The following KCNH1 variants were observed in gnomAD, a reference collection of about 807,000 sequenced individuals.
The protein encoded by KCNH1 is voltage-gated delayed rectifier potassium channel KCNH1.
In KCNH1, 27 loss-of-function variants were observed where a neutral mutation model predicts 69.2. That is an observed-to-expected ratio of 0.39 (90% CI 0.29 to 0.54). The LOEUF (loss-of-function observed/expected upper bound fraction) is 0.54. Ranked by LOEUF, KCNH1 falls within the 20% of genes least tolerant of loss-of-function variation. The pLI, the probability that KCNH1 is intolerant of heterozygous loss-of-function variation, is 0.68. For missense variants in KCNH1, 798 were observed against 1,261.6 expected, an observed-to-expected ratio of 0.63 and a Z score of 5.57; for synonymous variants, 456 against 487.7, an observed-to-expected ratio of 0.93 and a Z score of 0.86.
intron 6 of KCNH1, among the ~76,000 whole-genome samples, chr1:210,985,491 C>T (rs1048983083): frequency 4.6e-5 from 7 of 152,114 alleles, no homozygotes; most frequent in African/African-American, 1.7e-4. Flanking sequence ...TGTCTTTGTT[C>T]TCGCTGGTTT....
chr1:210,863,761 A>G (rs1444757093), intron 7 of KCNH1, among the ~76,000 whole-genome samples: 1 of 152,214 alleles, frequency 6.6e-6, no homozygotes, highest in Non-Finnish European at 1.5e-5. Context: ...GAAAGGCTGC[A>G]GCCAGAACTG....
At chr1:210,781,623 C>T (rs1683988061) in intron 9 of KCNH1, among the ~76,000 whole-genome samples, 1 of 152,174 alleles carries the variant, frequency 6.6e-6, no homozygotes. Context: ...TGCATATTCA[C>T]TGAACTAGAT....
At position 210,718,651 on chromosome 1, in the gene KCNH1, T is replaced by TACACAC. The variant is rs57407331; in HGVS notation, c.2113-34519_2113-34514dup. 1.2e-3 allele frequency among the ~76,000 whole-genome samples: 88 copies of TACACAC among 75,558 alleles called. 6 individuals are homozygous for TACACAC. The highest frequency in any genetic ancestry group is 8.3e-3 in the East Asian group (29 of 3,490). The allele number at this position is 75,558 out of a possible 152,430, so 49.6% of individuals were successfully genotyped here. On this transcript the variant is annotated intron_variant, in intron 10 of 10. Transcript: ENST00000271751. ...ATAAATATATATATACATATATATATACACACACACACACACACACACACA... is the reference window on the plus strand; with the variant it reads ...ATAAATATATATATACATATATATATACACACACACACACACACACACACACACACA...
chr1:211,002,353 T>TATATATAC lies in KCNH1; in HGVS notation c.1032+16429_1032+16430insGTATATAT, dbSNP rs1553369892. On this transcript the variant is annotated intron_variant, in intron 6 of 10. Transcript: ENST00000271751. ...GTGTGTGTGTGTATATATATATATA[T>TATATATAC]ACACACACACATATATATATACACC... 3.9e-3 allele frequency among the ~76,000 whole-genome samples: 569 copies of TATATATAC among 145,036 alleles called. 3 individuals carry two copies. The highest frequency in any genetic ancestry group is 5.9e-3 in the Non-Finnish European group (390 of 66,498).
chr1:210,755,177 GC>G (rs952415142), intron 10 of KCNH1, among the ~76,000 whole-genome samples: 2 of 152,156 alleles, frequency 1.3e-5, no homozygotes, highest in African/African-American at 2.4e-5. Flanking sequence ...GGGGTGGGCT[GC>G]CCCTGCTCAT....
chr1:211,123,859 GAGA>G (rs1383894729), intron 1 of KCNH1, among the ~76,000 whole-genome samples: 4 of 152,250 alleles, frequency 2.6e-5, no homozygotes, highest in African/African-American at 9.6e-5. Context: ...GATACAAAAA[GAGA>G]AGAAGAAAAC....
intron 7 of KCNH1, among the ~76,000 whole-genome samples, chr1:210,917,024 T>G (rs1687347092): frequency 6.6e-6 from 1 of 151,796 alleles, no homozygotes; most frequent in African/African-American, 2.4e-5. Flanking sequence ...GGTGCGTGCC[T>G]ATAAGCCCAG....
At chr1:210,767,918 A>C (rs1385360141) in intron 10 of KCNH1, among the ~76,000 whole-genome samples, 1 of 152,122 alleles carries the variant, frequency 6.6e-6, no homozygotes, top group African/African-American at 2.4e-5. Flanking sequence ...CCTCTCTTCC[A>C]CATCTGACTC....
intron 6 of KCNH1, among the ~76,000 whole-genome samples, chr1:211,010,734 C>A (rs781697737): frequency 3.9e-5 from 6 of 152,192 alleles, no homozygotes; most frequent in African/African-American, 9.7e-5. Flanking sequence ...GGTCTATTAT[C>A]TGTGGCCCCT....
At chr1:210,923,766 A>G (rs1433957937) in intron 6 of KCNH1, among the ~76,000 whole-genome samples, 1 of 152,220 alleles carries the variant, frequency 6.6e-6, no homozygotes, top group African/African-American at 2.4e-5. Flanking sequence ...CAGGAACTAT[A>G]CCTTTCTGAA....
chr1:210,975,699 TCA>T (rs1688594583), intron 6 of KCNH1, among the ~76,000 whole-genome samples: 4 of 152,150 alleles, frequency 2.6e-5, no homozygotes, highest in Admixed American at 2.0e-4. Context: ...GGCAAGGACT[TCA>T]CATCTAAAAC....
At chr1:210,781,735 A>C (rs1683991400) in intron 9 of KCNH1, among the ~76,000 whole-genome samples, 1 of 152,220 alleles carries the variant, frequency 6.6e-6, no homozygotes, top group South Asian at 2.1e-4. Flanking sequence ...GCCATGACTA[A>C]GACAAAAAGA....
chr1:211,064,675 G>A (rs1176372614), intron 5 of KCNH1, among the ~76,000 whole-genome samples: 1 of 151,932 alleles, frequency 6.6e-6, no homozygotes, highest in East Asian at 1.9e-4. Context: ...CATAGTCAAG[G>A]AAACAATCAG....
chr1:210,761,230 C>T (rs6688699), intron 10 of KCNH1, among the ~76,000 whole-genome samples: 70,531 of 118,294 alleles, frequency 0.6, 21,028 homozygotes, highest in South Asian at 0.74. Flanking sequence ...CCAGCCTGGG[C>T]GACAGAGCGA....
At chr1:210,769,634 T>A (rs951967611) in intron 10 of KCNH1, among the ~76,000 whole-genome samples, 1 of 152,210 alleles carries the variant, frequency 6.6e-6, no homozygotes, top group Admixed American at 6.6e-5. Context: ...ATTACCTACG[T>A]GCCAATTATC....
intron 6 of KCNH1, among the ~76,000 whole-genome samples, chr1:210,922,589 G>A (rs1687486345): frequency 6.6e-6 from 1 of 152,012 alleles, no homozygotes; most frequent in African/African-American, 2.4e-5. Flanking sequence ...CTTACTCTTG[G>A]CATGCCCAGT....
chr1:211,072,359 A>T lies in KCNH1; in HGVS notation c.558+10421T>A, dbSNP rs1230640585. 2.0e-5 allele frequency among the ~76,000 whole-genome samples: 3 copies of T among 152,338 alleles called. No homozygotes were observed. The South Asian group carries it at 6.2e-4, about 32-fold the overall frequency. ...GTAGACCTGCCTTGCAAGAAATGTCAAAAGAAGTCCTTCAGAGGGATTGAG... is the reference window on the plus strand; with the variant it reads ...GTAGACCTGCCTTGCAAGAAATGTCTAAAGAAGTCCTTCAGAGGGATTGAG... On this transcript the variant is annotated intron_variant, in intron 5 of 10. Transcript: ENST00000271751.
chr1:210,704,584 T>C (rs1574193909), intron 10 of KCNH1, among the ~76,000 whole-genome samples: 2 of 152,212 alleles, frequency 1.3e-5, no homozygotes, highest in South Asian at 4.1e-4. Flanking sequence ...ACACATTATC[T>C]CATTTGGGAT....
chr1:210,939,308 G>A (rs1481522543), intron 6 of KCNH1, among the ~76,000 whole-genome samples: 1 of 152,086 alleles, frequency 6.6e-6, no homozygotes, highest in Admixed American at 6.6e-5. Flanking sequence ...GCAATAAGAT[G>A]AAAAATTTGG....
Sources: gnomAD v4.1 joint callset for allele counts (sites outside exome capture counted in the v4.1 genomes callset) on GRCh38, gnomAD v4.1.1 for gene constraint, MANE v1.5 for transcripts, NCBI Gene and HGNC (gene_info 2026-07-23, HGNC 2026-07-21) for gene names.